The following FAM53B variants were observed in gnomAD, a reference collection of about 807,000 sequenced individuals.
The protein encoded by FAM53B is family with sequence similarity 53 member B.
FAM53B carries 12 observed loss-of-function variants against 32.7 expected under a neutral mutation model. That is an observed-to-expected ratio of 0.37 (90% CI 0.24 to 0.59). FAM53B has a LOEUF of 0.59. Among genes scored for constraint, FAM53B ranks in the 20% least tolerant of loss-of-function variants. The pLI, the probability that FAM53B is intolerant of heterozygous loss-of-function variation, is 0.72. For synonymous variants in FAM53B, 234 were observed against 228.7 expected, an observed-to-expected ratio of 1.02 and a Z score of -0.21; for missense variants, 477 against 577.7, an observed-to-expected ratio of 0.83 and a Z score of 1.79.
At chr10:124,730,044 G>A (rs141181488) in intron 1 of FAM53B, among the ~76,000 whole-genome samples, 95 of 152,328 alleles carry the variant, frequency 6.2e-4, no homozygotes, top group Middle Eastern at 3.4e-3. Flanking sequence ...AGTAAGTCAC[G>A]TGATACTAGC....
At chr10:124,673,455 A>G (rs888556218) in intron 4 of FAM53B, among the ~76,000 whole-genome samples, 4 of 152,158 alleles carry the variant, frequency 2.6e-5, no homozygotes, top group Non-Finnish European at 4.4e-5. Flanking sequence ...CTTTCCAGAC[A>G]TTTCTGAAGC....
At chr10:124,650,693 A>G (rs989990827) in intron 4 of FAM53B, among the ~76,000 whole-genome samples, 4 of 152,162 alleles carry the variant, frequency 2.6e-5, no homozygotes, top group Admixed American at 2.6e-4. Context: ...AATGCCTCCC[A>G]GAGTGAGGCA....
intron 1 of FAM53B, among the ~76,000 whole-genome samples, chr10:124,734,130 A>C (rs1950161402): frequency 1.3e-5 from 2 of 152,236 alleles, no homozygotes; most frequent in Admixed American, 1.3e-4. Context: ...AGGACGGTGT[A>C]ACTCACCAGT....
intron 1 of FAM53B, among the ~76,000 whole-genome samples, chr10:124,729,085 A>G (rs546533172): frequency 7.9e-4 from 121 of 152,386 alleles, no homozygotes; most frequent in Middle Eastern, 3.4e-3. Context: ...CTTGGCACAC[A>G]GTAGGTGCTC....
chr10:124,665,290 T>A (rs934353484), intron 4 of FAM53B, among the ~76,000 whole-genome samples: 1 of 152,216 alleles, frequency 6.6e-6, no homozygotes, highest in Non-Finnish European at 1.5e-5. Context: ...CCCAGGGCCA[T>A]CCTTCGCTGC....
intron 4 of FAM53B, among the ~76,000 whole-genome samples, chr10:124,676,255 C>T (rs1195842172): frequency 6.6e-6 from 1 of 152,216 alleles, no homozygotes; most frequent in African/African-American, 2.4e-5. Flanking sequence ...GCCTACCTCT[C>T]TCACTAGATC....
At chr10:124,722,052 G>C (rs889937903) in intron 1 of FAM53B, among the ~76,000 whole-genome samples, 1 of 152,192 alleles carries the variant, frequency 6.6e-6, no homozygotes, top group African/African-American at 2.4e-5. Context: ...GGAAGGCGGG[G>C]AACAGGAAGA....
chr10:124,678,044 A>G (rs1158906293), intron 4 of FAM53B, among the ~76,000 whole-genome samples: 2 of 152,238 alleles, frequency 1.3e-5, no homozygotes, highest in Non-Finnish European at 2.9e-5. Context: ...AGATGAACAA[A>G]CAAGACAAAG....
chr10:124,698,922 AC>A (rs937371050), intron 2 of FAM53B, among the ~76,000 whole-genome samples: 1 of 152,018 alleles, frequency 6.6e-6, no homozygotes, highest in Non-Finnish European at 1.5e-5. Context: ...CAACCTGAGT[AC>A]CCCCAACCTT....
rs925728516 is a variant in FAM53B, at chr10:124,744,361, G to GTGCGGCGGCGGCA, written c.-524_-523insTGCCGCCGCCGCA. ...GAGGCAGGCGGCGTGCGGCGGCGGC[G>GTGCGGCGGCGGCA]GCAGGCGAGTGTGCAGTGCGCGCAG... On this transcript the variant is annotated 5_prime_UTR_variant, in exon 1 of 5. Coordinates refer to ENST00000337318, the MANE Select transcript of FAM53B (RefSeq NM_014661.4). 2 of 148,136 alleles carry GTGCGGCGGCGGCA rather than the reference G, an allele frequency of 1.4e-5. No homozygotes were observed. Among genetic ancestry groups the GTGCGGCGGCGGCA allele is most frequent in the Non-Finnish European group, 3.0e-5 (2 of 66,614 alleles). The allele number at this position is 148,136 out of a possible 1,614,324, so 9.2% of individuals were successfully genotyped here.
chr10:124,737,315 T>C (rs1339000093), intron 1 of FAM53B, among the ~76,000 whole-genome samples: 2 of 152,180 alleles, frequency 1.3e-5, no homozygotes, highest in Admixed American at 1.3e-4. Context: ...TGACACACTT[T>C]TGGCAAAGAG....
chr10:124,673,966 A>G (rs1949722205), intron 4 of FAM53B, among the ~76,000 whole-genome samples: 1 of 152,216 alleles, frequency 6.6e-6, no homozygotes, highest in African/African-American at 2.4e-5. Flanking sequence ...CACAGTCACC[A>G]CACAGCCAGG....
intron 4 of FAM53B, among the ~76,000 whole-genome samples, chr10:124,670,904 C>T (rs993184742): frequency 6.6e-6 from 1 of 152,260 alleles, no homozygotes; most frequent in Non-Finnish European, 1.5e-5. Context: ...ATCCCCCTTT[C>T]TGCATTGCAG....
rs146410768 is a variant in FAM53B at position 124,711,342 on chromosome 10, G to A, written c.-174-4455C>T. 8.1e-4 allele frequency among the ~76,000 whole-genome samples: 124 copies of A among 152,206 alleles called. 2 individuals are homozygous for A. Among genetic ancestry groups the A allele is most frequent in the Admixed American group, 2.2e-3 (34 of 15,298 alleles). ...GCGTGGGAGCAGGAGGGAAATGGGC[G>A]TGGCTATGAAAAGACAGCGGGAGGG... On this transcript the variant is annotated intron_variant, in intron 1 of 4. Coordinates refer to ENST00000337318, the MANE Select transcript of FAM53B (RefSeq NM_014661.4).
chr10:124,637,636 C>T (rs1214924976), intron 4 of FAM53B, among the ~76,000 whole-genome samples: 1 of 152,176 alleles, frequency 6.6e-6, no homozygotes, highest in Non-Finnish European at 1.5e-5. Context: ...CAGCACCTTC[C>T]TCCCCAAGCT....
Position 124,641,634 on chromosome 10 carries a change from G to A in FAM53B, c.907-18030C>T, listed in dbSNP as rs555589997. On this transcript the variant is annotated intron_variant, in intron 4 of 4. Coordinates refer to ENST00000337318, the MANE Select transcript of FAM53B (RefSeq NM_014661.4). ...TCAGAGATAAGATTCTAAAATCCTC[G>A]AGGGAGCAACCACCATGGCCTTAGG... 5.3e-5 allele frequency among the ~76,000 whole-genome samples: 8 copies of A among 152,312 alleles called. No homozygotes were observed. The East Asian group carries it at 9.6e-4, about 18-fold the overall frequency.
chr10:124,659,786 C>T (rs774994574), intron 4 of FAM53B, among the ~76,000 whole-genome samples: 20 of 152,350 alleles, frequency 1.3e-4, no homozygotes, highest in Non-Finnish European at 2.4e-4. Context: ...TTTTCTGGGT[C>T]CCAGGCCAGA....
At chr10:124,686,104 C>T (rs1445289827) in intron 3 of FAM53B, among the ~76,000 whole-genome samples, 1 of 152,230 alleles carries the variant, frequency 6.6e-6, no homozygotes, top group Non-Finnish European at 1.5e-5. Context: ...CAAAGTACAA[C>T]TCCTCCCCCC....
chr10:124,685,658 C>T (rs1037368960), intron 3 of FAM53B, among the ~76,000 whole-genome samples: 1 of 152,222 alleles, frequency 6.6e-6, no homozygotes, highest in South Asian at 2.1e-4. Flanking sequence ...CAGAGGATAC[C>T]ATTTTCTGTT....
Sources: allele counts gnomAD v4.1 joint callset (sites outside exome capture counted in the v4.1 genomes callset), GRCh38; gene constraint gnomAD v4.1.1; transcripts MANE v1.5; gene names NCBI Gene and HGNC (gene_info 2026-07-23, HGNC 2026-07-21).